The following SLC12A7 variants were observed in gnomAD, a reference collection of about 807,000 sequenced individuals.
SLC12A7 encodes K-Cl cotransporter 4.
SLC12A7 carries 100 observed loss-of-function variants against 120.6 expected under a neutral mutation model. The observed-to-expected ratio is 0.83, with a 90% confidence interval of 0.71 to 0.98. SLC12A7 has a LOEUF of 0.98. SLC12A7 is among the 50% of genes least tolerant of loss of function. The pLI is 0.00. For synonymous variants in SLC12A7, 760 were observed against 678.0 expected (o/e 1.12, Z -1.88); for missense variants, 1,373 against 1,548.1 (o/e 0.89, Z 1.90).
chr5:1,143,293 A>T, the SLC12A7 span, among the ~76,000 whole-genome samples: 1 of 152,220 alleles, frequency 6.6e-6, no homozygotes. Context: ...ACAAAGCGCC[A>T]TGGGCGGGGG....
chr5:1,065,236 CAGAG>C (rs779644988), intron 18 of SLC12A7, 43 bp downstream of exon 18: 2 of 1,400,684 alleles, frequency 1.4e-6, no homozygotes, highest in Non-Finnish European at 2.0e-6. Flanking sequence ...TGAGAGGACA[CAGAG>C]GGGACGGTGA....
upstream of SLC12A7, chr5:1,112,118 C>T (rs928067179): frequency 3.8e-6 from 4 of 1,051,680 alleles, no homozygotes; most frequent in Admixed American, 1.4e-4. Flanking sequence ...GGCCACGTGA[C>T]TTCACCTGCT....
intron 3 of SLC12A7, among the ~76,000 whole-genome samples, chr5:1,089,445 G>A (rs73028879): frequency 0.075 from 11,337 of 152,080 alleles, 719 homozygotes; most frequent in African/African-American, 0.17. Context: ...GAGGGAGAAC[G>A]AGAGGGCCCC....
intron 18 of SLC12A7, 124 bp from the exon 19 acceptor site, chr5:1,064,376 C>G: frequency 1.8e-6 from 2 of 1,085,218 alleles, no homozygotes; most frequent in Non-Finnish European, 2.6e-6. Context: ...ACAAAGCCCC[C>G]ACCCTCACTC....
intron 1 of SLC12A7, among the ~76,000 whole-genome samples, chr5:1,104,727 G>A (rs889185828): frequency 7.2e-5 from 11 of 152,170 alleles, no homozygotes; most frequent in South Asian, 2.1e-4. Flanking sequence ...ACCCCAGAAC[G>A]CAGGAAACAA....
At chr5:1,079,592 G>C in intron 9 of SLC12A7, 96 bp from the exon 10 acceptor site, 1 of 999,936 alleles carries the variant, frequency 1.0e-6, no homozygotes, top group Non-Finnish European at 1.6e-6. Context: ...GGTCTCTGGG[G>C]AGACCCCGAG....
rs2241606 is a variant in SLC12A7, at chr5:1,057,500, A to C, written c.2997T>G (p.Ser999=). The change falls in exon 22 of 24, where the codon TCT becomes TCG. Residue 999 remains serine (S), a synonymous_variant. Transcript: ENST00000264930. The part of the protein sequence containing the change: ...EKYRSRDTSL[S]GFKDLFSMKP... ...TCATGCTGAAGAGGTCTTTGAAACCAGATAGGCTGGTGTCTCTGCTCCTGT... is the reference window on the plus strand; with the variant it reads ...TCATGCTGAAGAGGTCTTTGAAACCCGATAGGCTGGTGTCTCTGCTCCTGT... The C allele has an allele frequency of 6.2e-7, 1 of 1,612,348 alleles. No homozygotes were observed. Among genetic ancestry groups the C allele is most frequent in the East Asian group, 2.2e-5 (1 of 44,864 alleles).
Position 1,083,822 on chromosome 5 carries a change from G to T in SLC12A7, c.1052C>A (p.Ala351Asp). 1 of 1,609,744 alleles carries T rather than the reference G, an allele frequency of 6.2e-7. No homozygotes were observed. Among genetic ancestry groups the T allele is most frequent in the Non-Finnish European group, 8.5e-7 (1 of 1,177,872 alleles). Reference protein sequence around the residue: ...LFCNGSQPSAACDEYFIQNNV... With the variant: ...LFCNGSQPSADCDEYFIQNNV... ...GTTCTGGATGAAGTACTCGTCACAG[G>T]CGGCGCTGGGCTGGGAGCCGTTGCA... Residue 351 changes from alanine (A) to aspartate (D), a missense_variant, in exon 8 of 24, where the codon GCC becomes GAC. By Grantham distance (126) the Ala-to-Asp change is moderately radical. Transcript: ENST00000264930.
chr5:1,155,509 C>A, the SLC12A7 span, among the ~76,000 whole-genome samples: 1 of 152,076 alleles, frequency 6.6e-6, no homozygotes, highest in South Asian at 2.1e-4. Flanking sequence ...TGCCCCAGGT[C>A]CCCGGAGCGC....
chr5:1,069,837 C>T (rs1452445074), intron 17 of SLC12A7, among the ~76,000 whole-genome samples: 1 of 152,142 alleles, frequency 6.6e-6, no homozygotes, highest in Non-Finnish European at 1.5e-5. Context: ...AATGAAGACA[C>T]AAAGTCTCAG....
At chr5:1,103,822 G>A (rs1168082092) in intron 1 of SLC12A7, among the ~76,000 whole-genome samples, 1 of 152,254 alleles carries the variant, frequency 6.6e-6, no homozygotes, top group Non-Finnish European at 1.5e-5. Flanking sequence ...GTGGCCTCGG[G>A]TGAACTCACT....
chr5:1,140,242 G>A, the SLC12A7 span, among the ~76,000 whole-genome samples: 3 of 152,188 alleles, frequency 2.0e-5, no homozygotes, highest in Non-Finnish European at 2.9e-5. Context: ...GGGAACCCAG[G>A]CAGATCCCCC....
At chr5:1,129,273 C>A in the SLC12A7 span, among the ~76,000 whole-genome samples, 1 of 152,140 alleles carries the variant, frequency 6.6e-6, no homozygotes, top group Non-Finnish European at 1.5e-5. Context: ...CAGGGTACAA[C>A]GCCTCCTGGC....
At chr5:1,126,640 C>G in the SLC12A7 span, among the ~76,000 whole-genome samples, 1 of 152,232 alleles carries the variant, frequency 6.6e-6, no homozygotes, top group Non-Finnish European at 1.5e-5. Context: ...CCTCCTCCCA[C>G]TCTCTGCCCT....
chr5:1,094,653 T>G (rs1740904353), intron 1 of SLC12A7, among the ~76,000 whole-genome samples: 1 of 152,214 alleles, frequency 6.6e-6, no homozygotes, highest in Non-Finnish European at 1.5e-5. Context: ...CCCTCTGGCG[T>G]TGAAAATCTC....
chr5:1,098,998 G>A lies in SLC12A7; in HGVS notation c.125-4750C>T, dbSNP rs568827469. On this transcript the variant is annotated intron_variant, in intron 1 of 23. Coordinates refer to ENST00000264930, the MANE Select transcript of SLC12A7 (RefSeq NM_006598.3). ...TGACCGGAAGGCTGAGAGGACAAAC[G>A]GACACAGGGGAAAGCCTGGGCGTGC... Among the ~76,000 whole-genome samples, 482 of 152,114 alleles carry A rather than the reference G, an allele frequency of 3.2e-3. 1 individual carries two copies. Among genetic ancestry groups the A allele is most frequent in the Admixed American group, 4.8e-3 (73 of 15,298 alleles).
At chr5:1,084,802 C>G (rs1429862145) in intron 7 of SLC12A7, among the ~76,000 whole-genome samples, 3 of 152,166 alleles carry the variant, frequency 2.0e-5, no homozygotes, top group East Asian at 3.9e-4. Context: ...CTCCCATGTT[C>G]CAGGACCCTG....
intron 17 of SLC12A7, 48 bp downstream of exon 17, chr5:1,073,585 C>A (rs763641421): frequency 1.3e-6 from 2 of 1,555,998 alleles, no homozygotes; most frequent in South Asian, 2.3e-5. Context: ...GTTTCCTGTG[C>A]AGCTGGGGTG....
chr5:1,086,837 G>A lies in SLC12A7; in HGVS notation c.675+66C>T, dbSNP rs763587825. On this transcript the variant is annotated intron_variant, in intron 6 of 23. Transcript: ENST00000264930. The stretch of plus-strand genomic sequence containing the variant: ...GCTGTGTGTGCCACAGAGTGGGTCA[G>A]GCAGGGCCCCTTGGCATCCTGCCAC... The A allele has an allele frequency of 3.3e-5, 52 of 1,586,202 alleles. No homozygotes were observed. In the East Asian group the frequency reaches 1.1e-3, roughly 32 times the overall value.
Sources: allele counts gnomAD v4.1 joint callset (sites outside exome capture counted in the v4.1 genomes callset), GRCh38; gene constraint gnomAD v4.1.1; transcripts MANE v1.5; gene names NCBI Gene and HGNC (gene_info 2026-07-23, HGNC 2026-07-21).